The following ANK3 variants were observed in gnomAD, a reference collection of about 807,000 sequenced individuals.
ANK3 encodes ankyrin-3.
Under a neutral mutation model 370.9 loss-of-function variants are expected in ANK3, and 57 were observed. The observed-to-expected ratio is 0.15, with a 90% CI of 0.12 to 0.19. ANK3 has a LOEUF of 0.19. Among genes scored for constraint, ANK3 ranks in the 10% least tolerant of loss-of-function variants. The pLI, the probability that ANK3 is intolerant of heterozygous loss-of-function variation, is 1.00. For missense variants in ANK3, 4,439 were observed against 5,302.1 expected, an observed-to-expected ratio of 0.84 and a Z score of 5.06; for synonymous variants, 1,929 against 1,946.3, an observed-to-expected ratio of 0.99 and a Z score of 0.23.
chr10:60,187,002 G>A (rs534263234), intron 16 of ANK3, 90 bp from the exon 17 acceptor site: 1 of 1,262,614 alleles, frequency 7.9e-7, no homozygotes, highest in South Asian at 1.3e-5. Flanking sequence ...TCTTTCTAGT[G>A]GTTTTCTATG....
chr10:60,278,730 G>T, intron 4 of ANK3, 44 bp downstream of exon 4: 1 of 1,486,104 alleles, frequency 6.7e-7, no homozygotes, highest in Non-Finnish European at 9.4e-7. Flanking sequence ...AACATTGTTT[G>T]TAAATGATAA....
Position 60,238,121 on chromosome 10 carries a change from A to G in ANK3, c.799-3335T>C, listed in dbSNP as rs1253970969. 3.3e-5 allele frequency among the ~76,000 whole-genome samples: 5 copies of G among 152,314 alleles called. No homozygotes were observed. In the East Asian group the frequency reaches 7.7e-4, roughly 23 times the overall value. On this transcript the variant is annotated intron_variant, in intron 7 of 43. Transcript: ENST00000280772. ...GCCTCTGTGAAGTAGAAACAAATCA[A>G]AATGAAAGTGGTACCTCAGGGCCAC...
chr10:60,656,548 T>A (rs2078866554), intron 1 of ANK3, among the ~76,000 whole-genome samples: 1 of 152,178 alleles, frequency 6.6e-6, no homozygotes, highest in Non-Finnish European at 1.5e-5. Flanking sequence ...TCTGGTTGCT[T>A]AGGGTTTACT....
chr10:60,187,305 G>A (rs2096368623), intron 16 of ANK3, among the ~76,000 whole-genome samples: 1 of 151,842 alleles, frequency 6.6e-6, no homozygotes, highest in African/African-American at 2.4e-5. Flanking sequence ...ACAGGCGCCT[G>A]CCACCATGCC....
In ANK3 at chr10:60,076,432, T is replaced by A. The variant is rs1277228077; in HGVS notation, c.4449A>T (p.Gly1483=). ...AAGTGGTGGGGAGGGATCTTGTTGC[T>A]CCTGTACTCCGTTCAACTGTTTCTT... The part of the protein sequence containing the change: ...TEPGMIERST[G]ATRSLPTTYS... Residue 1483 remains glycine (G), a synonymous_variant, in exon 37 of 44, where the codon GGA becomes GGT. Coordinates refer to ENST00000280772, the MANE Select transcript of ANK3 (RefSeq NM_020987.5). The A allele has an allele frequency of 6.3e-7, 1 of 1,592,342 alleles. No individual in the cohort carries two copies. Among genetic ancestry groups the A allele is most frequent in the Non-Finnish European group, 8.5e-7 (1 of 1,170,056 alleles).
chr10:60,721,324 C>A (rs2079860147), intron 1 of ANK3, among the ~76,000 whole-genome samples: 2 of 152,026 alleles, frequency 1.3e-5, no homozygotes, highest in Non-Finnish European at 2.9e-5. Context: ...AGAGAGAAGA[C>A]TTGTATGTAG....
In ANK3 at chr10:60,049,622, G is replaced by A. The variant is rs543399458; in HGVS notation, c.13065+6036C>T. 1.4e-4 allele frequency among the ~76,000 whole-genome samples: 21 copies of A among 152,192 alleles called. 2 individuals are homozygous for A. The South Asian group carries it at 4.2e-3, about 30-fold the overall frequency. ...ATTTGGGGAGAATACGGACTCCCCT[G>A]TTTTTATGAAACCTACAACATTATA... On this transcript the variant is annotated intron_variant, in intron 42 of 43. Coordinates refer to ENST00000280772, the MANE Select transcript of ANK3 (RefSeq NM_020987.5).
chr10:60,445,097 A>G (rs1241977938), intron 2 of ANK3, among the ~76,000 whole-genome samples: 1 of 152,210 alleles, frequency 6.6e-6, no homozygotes, highest in Non-Finnish European at 1.5e-5. Flanking sequence ...ATTACAAGAA[A>G]ACTAATTATT....
At chr10:60,199,253 G>T (rs904645678) in intron 13 of ANK3, among the ~76,000 whole-genome samples, 4 of 152,134 alleles carry the variant, frequency 2.6e-5, no homozygotes, top group Admixed American at 2.6e-4. Flanking sequence ...ATTCTCTACT[G>T]AATTGTGATA....
chr10:60,288,484 T>C (rs1456269109), intron 1 of ANK3, among the ~76,000 whole-genome samples: 1 of 152,156 alleles, frequency 6.6e-6, no homozygotes, highest in East Asian at 1.9e-4. Flanking sequence ...TTCTGCATCC[T>C]GTTACAGCTG....
intron 42 of ANK3, among the ~76,000 whole-genome samples, chr10:60,052,892 GA>G (rs1361510301): frequency 1.3e-5 from 2 of 151,926 alleles, no homozygotes; most frequent in Non-Finnish European, 2.9e-5. Flanking sequence ...AATGCTTTAT[GA>G]AATGTTAGTT....
chr10:60,464,773 T>C (rs549615937), intron 2 of ANK3, among the ~76,000 whole-genome samples: 6 of 152,288 alleles, frequency 3.9e-5, no homozygotes, highest in African/African-American at 1.4e-4. Flanking sequence ...TTAGGTGCAA[T>C]GTGTGGAACT....
In ANK3 at chr10:60,607,868, G is replaced by C. The variant is rs571007335; in HGVS notation, c.96+7318C>G. ...AACCAGAGAATGGTCACAGAGAGAA[G>C]AAGCTTATGGCTGAGGGAGAAACCT... On this transcript the variant is annotated intron_variant, in intron 2 of 43. Coordinates refer to the ANK3 transcript ENST00000373827. 5.3e-5 allele frequency among the ~76,000 whole-genome samples: 8 copies of C among 152,304 alleles called. 1 individual carries two copies. Among genetic ancestry groups the C allele is most frequent in the African/African-American group, 1.7e-4 (7 of 41,566 alleles).
At chr10:60,611,365 CAG>C (rs2078199273) in intron 2 of ANK3, among the ~76,000 whole-genome samples, 1 of 152,166 alleles carries the variant, frequency 6.6e-6, no homozygotes, top group African/African-American at 2.4e-5. Context: ...AGGATGCAGT[CAG>C]AGTGCTCGCA....
intron 2 of ANK3, among the ~76,000 whole-genome samples, chr10:60,528,929 T>C (rs139913051): frequency 6.6e-6 from 1 of 152,276 alleles, no homozygotes; most frequent in East Asian, 1.9e-4. Context: ...CCTAAAGAAC[T>C]GAGATGGTTG....
At chr10:60,490,435 A>G (rs1283473028) in intron 2 of ANK3, among the ~76,000 whole-genome samples, 2 of 152,084 alleles carry the variant, frequency 1.3e-5, no homozygotes, top group Non-Finnish European at 2.9e-5. Flanking sequence ...CTTAACCCTC[A>G]CTAAAAACTG....
chr10:60,249,672 C>T (rs2097615552), intron 7 of ANK3, among the ~76,000 whole-genome samples: 2 of 152,196 alleles, frequency 1.3e-5, no homozygotes, highest in South Asian at 4.1e-4. Flanking sequence ...TAAAGTCAGT[C>T]TGTGCCAACA....
chr10:60,574,135 T>C (rs2077652767), intron 2 of ANK3, among the ~76,000 whole-genome samples: 1 of 152,068 alleles, frequency 6.6e-6, no homozygotes, highest in African/African-American at 2.4e-5. Flanking sequence ...ATCGTCCCCA[T>C]TTTTTACCTA....
At chr10:60,076,971 A>G (rs2083979391) in intron 36 of ANK3, among the ~76,000 whole-genome samples, 1 of 152,204 alleles carries the variant, frequency 6.6e-6, no homozygotes, top group Non-Finnish European at 1.5e-5. Context: ...ACTTAGAACC[A>G]TTTCAATATA....
Sources: gnomAD v4.1 joint callset for allele counts (sites outside exome capture counted in the v4.1 genomes callset) on GRCh38, gnomAD v4.1.1 for gene constraint, MANE v1.5 for transcripts, NCBI Gene and HGNC (gene_info 2026-07-23, HGNC 2026-07-21) for gene names.